Variants in DPH6 observed in about 807,000 individuals in gnomAD.
DPH6 encodes the protein diphthine--ammonia ligase.
DPH6 carries 33 observed loss-of-function variants against 38.2 expected under a neutral mutation model. That is an observed-to-expected ratio of 0.86 (90% CI 0.65 to 1.15). The LOEUF (loss-of-function observed/expected upper bound fraction) is 1.15, where lower values mean the gene tolerates loss of function less well. DPH6 is among the 50% of genes most tolerant of loss of function. The pLI, the probability that DPH6 is intolerant of heterozygous loss-of-function variation, is 0.00. For missense variants in DPH6, 325 were observed against 320.0 expected, an observed-to-expected ratio of 1.02 and a Z score of -0.12; for synonymous variants, 108 against 103.0, an observed-to-expected ratio of 1.05 and a Z score of -0.30.
chr15:35,371,792 A>G lies in DPH6; in HGVS notation c.*358T>C. On this transcript the variant is annotated 3_prime_UTR_variant, in exon 9 of 9. Coordinates refer to ENST00000256538, the MANE Select transcript of DPH6 (RefSeq NM_080650.4). Reference sequence around the variant, plus strand: ...TCAAATGCCTCTGCATCATGACATTATTGGTAGGGATTGGAGCAAGAAAGA... The same window carrying G: ...TCAAATGCCTCTGCATCATGACATTGTTGGTAGGGATTGGAGCAAGAAAGA... The G allele has an allele frequency of 1.0e-6, 1 of 1,001,354 alleles. No individual in the cohort carries two copies. Among genetic ancestry groups the G allele is most frequent in the Non-Finnish European group, 1.2e-6 (1 of 841,180 alleles). 62.0% of individuals were successfully genotyped at this position (1,001,354 alleles called of 1,614,324 possible).
intron 3 of DPH6, among the ~76,000 whole-genome samples, chr15:35,309,578 T>C (rs1421423365): frequency 2.0e-5 from 3 of 152,156 alleles, no homozygotes; most frequent in African/African-American, 4.8e-5. Flanking sequence ...CGAAAAGGCA[T>C]AGGGGGAAAT....
intron 5 of DPH6, among the ~76,000 whole-genome samples, chr15:35,434,514 C>A (rs2141040253): frequency 6.6e-6 from 1 of 152,078 alleles, no homozygotes; most frequent in Non-Finnish European, 1.5e-5. Flanking sequence ...TCAGTAAAAA[C>A]AGTTAAACTT....
At chr15:35,508,169 T>C (rs1329749033) in intron 3 of DPH6, among the ~76,000 whole-genome samples, 1 of 152,120 alleles carries the variant, frequency 6.6e-6, no homozygotes, top group Non-Finnish European at 1.5e-5. Context: ...CAGGTCCCAA[T>C]ATGCTTTAAG....
In DPH6 at chr15:35,380,676, C is replaced by T. The variant is rs138416996; in HGVS notation, c.662+1146G>A. On this transcript the variant is annotated intron_variant, in intron 7 of 8. Coordinates refer to ENST00000256538, the MANE Select transcript of DPH6 (RefSeq NM_080650.4). ...ACGTATTATTTCATAGAAGTAATAA[C>T]TTATCAATAGTTGACTCATTAATTG... Among the ~76,000 whole-genome samples the T allele has an allele frequency of 1.2e-3, 190 of 152,162 alleles. 1 individual carries two copies. The highest frequency in any genetic ancestry group is 4.5e-3 in the African/African-American group (186 of 41,502).
chr15:35,495,218 C>G (rs1207526695), intron 3 of DPH6, among the ~76,000 whole-genome samples: 2 of 152,052 alleles, frequency 1.3e-5, no homozygotes, highest in Non-Finnish European at 1.5e-5. Flanking sequence ...AAAATTAAGT[C>G]ACATGTGTGG....
At chr15:35,422,545 TCA>T (rs1284328197) in intron 5 of DPH6, among the ~76,000 whole-genome samples, 2 of 152,044 alleles carry the variant, frequency 1.3e-5, no homozygotes. Context: ...ACCCATCTCC[TCA>T]CACAGTTACC....
intron 3 of DPH6, among the ~76,000 whole-genome samples, chr15:35,257,944 G>A (rs377341476): frequency 2.0e-5 from 3 of 152,002 alleles, no homozygotes; most frequent in Non-Finnish European, 4.4e-5. Context: ...GTTATCAAGC[G>A]GCTACTTAAT....
intron 3 of DPH6, among the ~76,000 whole-genome samples, chr15:35,251,176 C>T (rs976505513): frequency 6.6e-6 from 1 of 152,086 alleles, no homozygotes; most frequent in Non-Finnish European, 1.5e-5. Context: ...CTCCATTTTT[C>T]TTTCTTTCTT....
chr15:35,276,413 GC>G, intron 3 of DPH6, among the ~76,000 whole-genome samples: 1 of 152,134 alleles, frequency 6.6e-6, no homozygotes, highest in East Asian at 1.9e-4. Context: ...TGTTCCTTTT[GC>G]CATGCAAAAG....
Position 35,297,332 on chromosome 15 carries a change from G to GT in DPH6, n.200+76188dup, listed in dbSNP as rs34357081. 5.4e-3 allele frequency among the ~76,000 whole-genome samples: 749 copies of GT among 139,168 alleles called. 3 individuals are homozygous for GT. The highest frequency in any genetic ancestry group is 0.045 in the East Asian group (218 of 4,848). 91.3% of individuals were successfully genotyped at this position (139,168 alleles called of 152,430 possible). On this transcript the variant is annotated intron_variant and non_coding_transcript_variant, in intron 3 of 3. Transcript: ENST00000560386. Reference sequence around the variant, plus strand: ...TATATCCACTCTTTTCCCTCCCTCAGTTTTTTTTTTTTTTTAAACCTATTA... The same window carrying GT: ...TATATCCACTCTTTTCCCTCCCTCAGTTTTTTTTTTTTTTTTAAACCTATTA...
chr15:35,430,409 G>T (rs1434007820), intron 5 of DPH6, among the ~76,000 whole-genome samples: 2 of 136,890 alleles, frequency 1.5e-5, no homozygotes, highest in Admixed American at 7.4e-5. Context: ...AAAAAAAAAT[G>T]CAATTATTGA....
Position 35,260,561 on chromosome 15 carries a change from ATCTG to A in DPH6, n.201-39983_201-39980del, listed in dbSNP as rs1226461873. On this transcript the variant is annotated intron_variant and non_coding_transcript_variant, in intron 3 of 3. Transcript: ENST00000560386. Reference sequence around the variant, plus strand: ...TATTAGATAATATTAAACTTAAGTAATCTGAAGACTTCATTTATAAAAAAATGTT... The same window carrying A: ...TATTAGATAATATTAAACTTAAGTAAAAGACTTCATTTATAAAAAAATGTT... Among the ~76,000 whole-genome samples the A allele has an allele frequency of 9.2e-5, 14 of 151,634 alleles. No individual in the cohort carries two copies. The South Asian group carries it at 1.5e-3, about 16-fold the overall frequency.
At chr15:35,273,814 A>G (rs1259465586) in intron 3 of DPH6, among the ~76,000 whole-genome samples, 4 of 152,372 alleles carry the variant, frequency 2.6e-5, no homozygotes, top group African/African-American at 9.6e-5. Context: ...AATATCATGA[A>G]AATGGCCTTA....
chr15:35,521,157 T>C (rs560734023), intron 3 of DPH6: 1 of 985,296 alleles, frequency 1.0e-6, no homozygotes, highest in East Asian at 1.1e-4. Context: ...GCTTTACTTT[T>C]TAACTGAAAT....
chr15:35,544,731 CT>C (rs975511453), intron 1 of DPH6, among the ~76,000 whole-genome samples: 5 of 152,062 alleles, frequency 3.3e-5, no homozygotes, highest in East Asian at 3.9e-4. Context: ...TTTTAGCAAA[CT>C]TTTTTTATTA....
intron 3 of DPH6, among the ~76,000 whole-genome samples, chr15:35,283,354 G>A (rs1035982218): frequency 6.6e-6 from 1 of 151,318 alleles, no homozygotes; most frequent in African/African-American, 2.4e-5. Flanking sequence ...ACCCAGGCTG[G>A]AGTGCAATTC....
At chr15:35,436,345 A>G (rs544065502) in intron 5 of DPH6, among the ~76,000 whole-genome samples, 9 of 151,452 alleles carry the variant, frequency 5.9e-5, no homozygotes, top group South Asian at 2.1e-4. Flanking sequence ...GGGCGCCTGT[A>G]CTCCCAGCTA....
At chr15:35,166,783 C>T in the DPH6 span, among the ~76,000 whole-genome samples, 2 of 151,790 alleles carry the variant, frequency 1.3e-5, no homozygotes, top group Non-Finnish European at 2.9e-5. Flanking sequence ...GAATTCTTTC[C>T]AAAGGAGATC....
intron 3 of DPH6, among the ~76,000 whole-genome samples, chr15:35,324,851 T>A (rs1366919423): frequency 1.3e-5 from 2 of 152,144 alleles, no homozygotes; most frequent in Admixed American, 1.3e-4. Flanking sequence ...TTAGGGAAGA[T>A]GTGTCTGTCT....
Sources: allele counts gnomAD v4.1 joint callset (sites outside exome capture counted in the v4.1 genomes callset), GRCh38; gene constraint gnomAD v4.1.1; transcripts MANE v1.5; gene names NCBI Gene and HGNC (gene_info 2026-07-23, HGNC 2026-07-21).